The following YEATS4 variants were observed in gnomAD, a reference collection of about 807,000 sequenced individuals.
The protein encoded by YEATS4 is YEATS domain-containing protein 4.
Under a neutral mutation model 30.1 loss-of-function variants are expected in YEATS4, and 17 were observed. That is an observed-to-expected ratio of 0.56 (90% CI 0.39 to 0.85). The LOEUF is 0.85. Among genes scored for constraint, YEATS4 ranks in the 40% least tolerant of loss-of-function variants. YEATS4 has a pLI of 0.00. For missense variants in YEATS4, 142 were observed against 268.3 expected (o/e 0.53, Z 3.29); for synonymous variants, 85 against 87.5 (o/e 0.97, Z 0.16).
At chr12:69,411,529 A>G in the YEATS4 span, among the ~76,000 whole-genome samples, 24 of 152,240 alleles carry the variant, frequency 1.6e-4, no homozygotes. Context: ...GAAAATAAAC[A>G]GTAAGCATAA....
downstream of YEATS4, among the ~76,000 whole-genome samples, chr12:69,391,676 A>G (rs554377214): frequency 5.1e-4 from 77 of 152,244 alleles, no homozygotes; most frequent in Admixed American, 3.2e-3. Context: ...GGTACTTTCA[A>G]TTGTGCCAGG....
chr12:69,394,721 A>G (rs1302267032), downstream of YEATS4, among the ~76,000 whole-genome samples: 1 of 151,924 alleles, frequency 6.6e-6, no homozygotes, highest in Non-Finnish European at 1.5e-5. Flanking sequence ...GATCCTCCCA[A>G]CTCAAGCTCC....
the YEATS4 span, among the ~76,000 whole-genome samples, chr12:69,404,095 T>G: frequency 6.6e-6 from 1 of 152,172 alleles, no homozygotes; most frequent in Non-Finnish European, 1.5e-5. Flanking sequence ...AAACACAATT[T>G]CACGCTAATT....
chr12:69,372,909 A>G (rs1362520161), intron 6 of YEATS4, among the ~76,000 whole-genome samples: 1 of 152,172 alleles, frequency 6.6e-6, no homozygotes, highest in African/African-American at 2.4e-5. Context: ...TGCCTGGCTT[A>G]CTTCACTTAA....
intron 6 of YEATS4, among the ~76,000 whole-genome samples, chr12:69,379,583 ATTTTTTT>A (rs61048163): frequency 2.5e-4 from 18 of 72,296 alleles, no homozygotes; most frequent in African/African-American, 8.6e-4. Flanking sequence ...TGCCCAGCTA[ATTTTTTT>A]TTTTTTTTTT....
intron 6 of YEATS4, among the ~76,000 whole-genome samples, chr12:69,373,999 T>G (rs979630080): frequency 6.6e-6 from 1 of 152,228 alleles, no homozygotes; most frequent in Admixed American, 6.5e-5. Context: ...TCTCTTTTTC[T>G]GCAAGTACCA....
intron 1 of YEATS4, among the ~76,000 whole-genome samples, chr12:69,362,013 G>GTTTTTGTTTTTTTTTTT (rs1555174243): frequency 1.9e-4 from 13 of 69,080 alleles, no homozygotes; most frequent in Non-Finnish European, 3.5e-4. Flanking sequence ...GTGTTTGGTT[G>GTTTTTGTTTTTTTTTTT]TTTTTTTTTT....
At chr12:69,408,755 A>T in the YEATS4 span, among the ~76,000 whole-genome samples, 2 of 152,212 alleles carry the variant, frequency 1.3e-5, no homozygotes, top group African/African-American at 4.8e-5. Flanking sequence ...TTGTCCATCA[A>T]TGTGAAGTTA....
intron 1 of YEATS4, 91 bp from the exon 2 acceptor site, chr12:69,362,697 C>T: frequency 2.1e-6 from 2 of 943,690 alleles, no homozygotes; most frequent in Admixed American, 3.5e-5. Flanking sequence ...TGTTAGCCTG[C>T]CATTCTTTAA....
chr12:69,375,507 C>T (rs1000946163), intron 6 of YEATS4, among the ~76,000 whole-genome samples: 106 of 152,036 alleles, frequency 7.0e-4, no homozygotes, highest in African/African-American at 2.1e-3. Context: ...GGGTGGCGGC[C>T]GGGCAGAGGC....
the YEATS4 span, among the ~76,000 whole-genome samples, chr12:69,424,567 T>G: frequency 6.6e-5 from 10 of 152,314 alleles, no homozygotes; most frequent in East Asian, 1.9e-3. Flanking sequence ...ATTGTAATCG[T>G]CAGGGGTTGA....
intron 6 of YEATS4, among the ~76,000 whole-genome samples, chr12:69,376,307 A>C (rs1157183447): frequency 1.3e-5 from 2 of 152,246 alleles, no homozygotes; most frequent in Non-Finnish European, 2.9e-5. Context: ...CGGAGGTTGC[A>C]ATGAGCCGAG....
chr12:69,409,283 A>G, the YEATS4 span, among the ~76,000 whole-genome samples: 1 of 152,192 alleles, frequency 6.6e-6, no homozygotes, highest in Non-Finnish European at 1.5e-5. Context: ...TATGTAAAGT[A>G]TTTAGCATAG....
chr12:69,391,673 T>G (rs1868316688), downstream of YEATS4, among the ~76,000 whole-genome samples: 1 of 152,208 alleles, frequency 6.6e-6, no homozygotes, highest in South Asian at 2.1e-4. Flanking sequence ...GGTGGTACTT[T>G]CAATTGTGCC....
chr12:69,362,981 AG>A (rs1201977811), intron 2 of YEATS4, 74 bp downstream of exon 2: 132,079 of 311,760 alleles, frequency 0.42, 50,083 homozygotes, highest in Admixed American at 0.45. Context: ...GACAACCTGT[AG>A]TTTTTTTTTT....
At chr12:69,362,981 A>ATTTTTT (rs1198849494) in intron 2 of YEATS4, 74 bp downstream of exon 2, 2 of 313,222 alleles carry the variant, frequency 6.4e-6, no homozygotes, top group African/African-American at 3.6e-5. Flanking sequence ...GACAACCTGT[A>ATTTTTT]GTTTTTTTTT....
chr12:69,423,956 G>A, the YEATS4 span, among the ~76,000 whole-genome samples: 1 of 152,150 alleles, frequency 6.6e-6, no homozygotes, highest in African/African-American at 2.4e-5. Context: ...AGAAATGCTT[G>A]AGAAGAAAGC....
chr12:69,359,826 C>T lies in YEATS4; in HGVS notation c.-147C>T, dbSNP rs943408563. The stretch of plus-strand genomic sequence containing the variant: ...GCCTGAGGAGTTGACGGTTACTCAC[C>T]GCCGTGAGCCCAAGTAACTCGCCCT... On this transcript the variant is annotated 5_prime_UTR_variant, in exon 1 of 7. Transcript: ENST00000247843. The T allele has an allele frequency of 2.2e-6, 2 of 910,992 alleles. No individual in the cohort carries two copies. The highest frequency in any genetic ancestry group is 3.3e-6 in the Non-Finnish European group (2 of 608,838). 56.4% of individuals were successfully genotyped at this position (910,992 alleles called of 1,614,324 possible). A position where few individuals can be genotyped will look rare whatever the true frequency, so the allele number is the denominator to read the frequency against.
the YEATS4 span, among the ~76,000 whole-genome samples, chr12:69,426,913 T>G: frequency 6.6e-6 from 1 of 152,226 alleles, no homozygotes; most frequent in African/African-American, 2.4e-5. Context: ...TTGATCATGA[T>G]TCCTTTAAAG....
Sources: gnomAD v4.1 joint callset for allele counts (sites outside exome capture counted in the v4.1 genomes callset) on GRCh38, gnomAD v4.1.1 for gene constraint, MANE v1.5 for transcripts, NCBI Gene and HGNC (gene_info 2026-07-23, HGNC 2026-07-21) for gene names.